The following GRB10 variants were observed in gnomAD, a reference collection of about 807,000 sequenced individuals.
GRB10 encodes the protein growth factor receptor bound protein 10.
GRB10 carries 20 observed loss-of-function variants against 80.9 expected under a neutral mutation model. That is an observed-to-expected ratio of 0.25 (90% confidence interval 0.17 to 0.36). The LOEUF (loss-of-function observed/expected upper bound fraction) is 0.36, where lower values mean the gene tolerates loss of function less well. Among genes scored for constraint, GRB10 ranks in the 10% least tolerant of loss-of-function variants. The pLI, the probability that GRB10 is intolerant of heterozygous loss-of-function variation, is 1.00. For synonymous variants in GRB10, 291 were observed against 291.5 expected (o/e 1.00, Z 0.02); for missense variants, 548 against 747.7 (o/e 0.73, Z 3.12).
chr7:50,742,271 G>GCGCACACACACACACACACA (rs1189043181), intron 3 of GRB10, among the ~76,000 whole-genome samples: 1 of 46,864 alleles, frequency 2.1e-5, no homozygotes, highest in Non-Finnish European at 5.1e-5. Flanking sequence ...ACGCGCGCGC[G>GCGCACACACACACACACACA]CACACACACA....
intron 1 of GRB10, chr7:50,792,375 A>G: frequency 2.5e-6 from 1 of 397,810 alleles, no homozygotes; most frequent in Non-Finnish European, 4.4e-6. Flanking sequence ...GGTGAAAGCA[A>G]ACCATAAAAA....
intron 3 of GRB10, among the ~76,000 whole-genome samples, chr7:50,746,750 C>T (rs548177612): frequency 1.0e-3 from 159 of 152,240 alleles, no homozygotes; most frequent in African/African-American, 3.7e-3. Flanking sequence ...TGCAGAACAC[C>T]CATATCACTT....
At chr7:50,723,264 TGTTTCC>T in intron 4 of GRB10, among the ~76,000 whole-genome samples, 1 of 152,088 alleles carries the variant, frequency 6.6e-6, no homozygotes, top group Non-Finnish European at 1.5e-5. Flanking sequence ...AGGGGTCAGG[TGTTTCC>T]TTATTTAGAG....
intron 5 of GRB10, among the ~76,000 whole-genome samples, chr7:50,676,893 T>C (rs890107934): frequency 6.6e-6 from 1 of 150,798 alleles, no homozygotes; most frequent in African/African-American, 2.4e-5. Flanking sequence ...AAGGGAGGGG[T>C]GAGGACAGAA....
At chr7:50,770,411 A>G (rs553986196) in intron 2 of GRB10, among the ~76,000 whole-genome samples, 2 of 152,196 alleles carry the variant, frequency 1.3e-5, no homozygotes, top group Non-Finnish European at 2.9e-5. Flanking sequence ...CCAAGCATCT[A>G]TCTGAATTCA....
intron 5 of GRB10, among the ~76,000 whole-genome samples, chr7:50,691,353 C>T (rs988820511): frequency 3.3e-5 from 5 of 152,288 alleles, no homozygotes; most frequent in African/African-American, 9.6e-5. Flanking sequence ...GTTCAAATCC[C>T]AGCTCTGCCA....
At chr7:50,696,549 A>C (rs1219118778) in intron 5 of GRB10, among the ~76,000 whole-genome samples, 1 of 152,186 alleles carries the variant, frequency 6.6e-6, no homozygotes, top group Non-Finnish European at 1.5e-5. Context: ...GGAGCTCTCT[A>C]CAGAGTCAAC....
chr7:50,714,091 C>T (rs1393266768), intron 4 of GRB10, among the ~76,000 whole-genome samples: 1 of 152,198 alleles, frequency 6.6e-6, no homozygotes, highest in African/African-American at 2.4e-5. Flanking sequence ...ACCTTCACCC[C>T]TCCTCACCAC....
intron 4 of GRB10, among the ~76,000 whole-genome samples, chr7:50,729,994 G>A (rs1563629984): frequency 6.6e-6 from 1 of 152,058 alleles, no homozygotes; most frequent in Non-Finnish European, 1.5e-5. Flanking sequence ...ACCAGGCGCC[G>A]GGTAATTTAG....
At chr7:50,652,581 A>C (rs1239779335) in intron 7 of GRB10, among the ~76,000 whole-genome samples, 2 of 152,160 alleles carry the variant, frequency 1.3e-5, no homozygotes, top group Non-Finnish European at 2.9e-5. Flanking sequence ...AGAAAGAGAC[A>C]AGCCACATGC....
At chr7:50,766,521 C>T (rs1375332821) in intron 2 of GRB10, among the ~76,000 whole-genome samples, 1 of 151,910 alleles carries the variant, frequency 6.6e-6, no homozygotes, top group Non-Finnish European at 1.5e-5. Flanking sequence ...AAAGGATACA[C>T]CTCAAAAGTA....
chr7:50,616,407 A>ATGT, intron 10 of GRB10, 60 bp from the exon 11 acceptor site: 11 of 1,481,594 alleles, frequency 7.4e-6, no homozygotes, highest in Non-Finnish European at 9.4e-6. Context: ...TAAAGCAGAC[A>ATGT]TGTTATCAGC....
chr7:50,647,629 T>C (rs2057389832), intron 7 of GRB10, among the ~76,000 whole-genome samples: 1 of 152,206 alleles, frequency 6.6e-6, no homozygotes, highest in African/African-American at 2.4e-5. Flanking sequence ...GGAAAAACAT[T>C]CAGCAAAGGG....
intron 4 of GRB10, among the ~76,000 whole-genome samples, chr7:50,720,467 A>G (rs2067539225): frequency 6.6e-6 from 1 of 152,088 alleles, no homozygotes; most frequent in African/African-American, 2.4e-5. Flanking sequence ...GGCAGCAAAC[A>G]CAGGTGATGA....
chr7:50,643,701 G>A (rs1429661340), intron 7 of GRB10, among the ~76,000 whole-genome samples: 2 of 152,200 alleles, frequency 1.3e-5, no homozygotes, highest in African/African-American at 4.8e-5. Flanking sequence ...GTATTTAGGA[G>A]TAAAGGGACT....
chr7:50,683,022 C>T (rs1346580681), intron 5 of GRB10, among the ~76,000 whole-genome samples: 1 of 152,208 alleles, frequency 6.6e-6, no homozygotes, highest in Non-Finnish European at 1.5e-5. Flanking sequence ...GATAATCGTA[C>T]ACCCTTGTTC....
intron 3 of GRB10, among the ~76,000 whole-genome samples, chr7:50,748,353 G>A (rs1199226860): frequency 6.6e-6 from 1 of 152,248 alleles, no homozygotes; most frequent in Non-Finnish European, 1.5e-5. Context: ...GTGCCATGCA[G>A]ATGGACACGA....
At chr7:50,636,407 T>G (rs1480004505) in intron 7 of GRB10, among the ~76,000 whole-genome samples, 2 of 152,064 alleles carry the variant, frequency 1.3e-5, no homozygotes, top group African/African-American at 4.8e-5. Context: ...GATACCGAAA[T>G]CAGGCAAGGA....
intron 7 of GRB10, among the ~76,000 whole-genome samples, chr7:50,662,230 T>G (rs937990079): frequency 4.6e-5 from 7 of 151,850 alleles, no homozygotes; most frequent in Non-Finnish European, 1.0e-4. Flanking sequence ...GCAGTGGAGG[T>G]GCTGTCCTTA....
Sources: gnomAD v4.1 joint callset for allele counts (sites outside exome capture counted in the v4.1 genomes callset) on GRCh38, gnomAD v4.1.1 for gene constraint, MANE v1.5 for transcripts, NCBI Gene and HGNC (gene_info 2026-07-23, HGNC 2026-07-21) for gene names.